The following EBF3 variants were observed in gnomAD, a reference collection of about 807,000 sequenced individuals.
The protein encoded by EBF3 is EBF transcription factor 3, also known as transcription factor COE3.
A neutral mutation model predicts 77.1 loss-of-function variants in EBF3; 18 were observed. The observed-to-expected ratio is 0.23, with a 90% CI of 0.16 to 0.35. The LOEUF (loss-of-function observed/expected upper bound fraction) is 0.35, where lower values mean the gene tolerates loss of function less well. Among genes scored for constraint, EBF3 ranks in the 10% least tolerant of loss-of-function variants. EBF3 has a pLI of 1.00. For synonymous variants in EBF3, 350 were observed against 343.5 expected (o/e 1.02, Z -0.21); for missense variants, 558 against 860.0 (o/e 0.65, Z 4.39).
intron 7 of EBF3, 46 bp from the exon 8 acceptor site, chr10:129,873,642 CAGAGCCCCCTGTT>C (rs1398192779): frequency 2.1e-6 from 3 of 1,456,412 alleles, no homozygotes; most frequent in Non-Finnish European, 2.7e-6. Flanking sequence ...CAAAGAAAAG[CAGAGCCCCCTGTT>C]AGGCAAAATA....
At chr10:129,929,585 T>C (rs1197289353) in intron 6 of EBF3, among the ~76,000 whole-genome samples, 1 of 152,212 alleles carries the variant, frequency 6.6e-6, no homozygotes, top group African/African-American at 2.4e-5. Context: ...AAATAGAATT[T>C]GGAGCAAGGA....
chr10:129,907,470 T>C (rs1319086435), intron 6 of EBF3, among the ~76,000 whole-genome samples: 4 of 152,252 alleles, frequency 2.6e-5, no homozygotes, highest in Non-Finnish European at 5.9e-5. Flanking sequence ...CGACAAAATC[T>C]ATTTCTCTCA....
intron 8 of EBF3, among the ~76,000 whole-genome samples, chr10:129,871,821 T>TTTAAATTAAATTAAATTAAA (rs1589754127): frequency 6.6e-6 from 1 of 152,206 alleles, no homozygotes; most frequent in East Asian, 1.9e-4. Context: ...TATTGGCATT[T>TTTAAATTAAATTAAATTAAA]TTAAATTAGT....
At position 129,943,292 on chromosome 10, in the gene EBF3, G is replaced by A. The variant is rs1168520581; in HGVS notation, c.554+13966C>T. 6.6e-6 allele frequency among the ~76,000 whole-genome samples: 1 copy of A among 152,180 alleles called. No individual in the cohort carries two copies. The highest frequency in any genetic ancestry group is 2.4e-5 in the African/African-American group (1 of 41,450). On this transcript the variant is annotated intron_variant, in intron 6 of 16. Transcript: ENST00000440978. This position sits in a 1 kb window ranked among gnomAD's most constrained non-coding sequence, Gnocchi z 8.8. Reference sequence around the variant, plus strand: ...TTACAGGAGACAGCCTTGTAGAACTGATTCCTTAATCAACAGTTAAAGAAG... The same window carrying A: ...TTACAGGAGACAGCCTTGTAGAACTAATTCCTTAATCAACAGTTAAAGAAG...
chr10:129,936,122 T>C (rs887412223), intron 6 of EBF3, among the ~76,000 whole-genome samples: 1 of 152,182 alleles, frequency 6.6e-6, no homozygotes, highest in Non-Finnish European at 1.5e-5. Flanking sequence ...TAGAATTCCA[T>C]TTATGGAATG....
intron 6 of EBF3, among the ~76,000 whole-genome samples, chr10:129,909,641 T>TGGCC (rs1226650199): frequency 6.6e-6 from 1 of 152,138 alleles, no homozygotes; most frequent in Non-Finnish European, 1.5e-5. Context: ...CCTGGGAAGG[T>TGGCC]GGCCCAGTGA....
At chr10:129,940,760 CA>C (rs1857674376) in intron 6 of EBF3, among the ~76,000 whole-genome samples, 1 of 152,164 alleles carries the variant, frequency 6.6e-6, no homozygotes, top group Non-Finnish European at 1.5e-5. Context: ...CCTCCCCACC[CA>C]GGGGTGGCCC....
intron 7 of EBF3, among the ~76,000 whole-genome samples, chr10:129,877,002 A>G (rs1001324065): frequency 2.0e-5 from 3 of 151,388 alleles, no homozygotes; most frequent in Admixed American, 6.6e-5. Flanking sequence ...ACTAGCATGG[A>G]AAGTGGGCAA....
intron 6 of EBF3, among the ~76,000 whole-genome samples, chr10:129,911,928 AT>A (rs1855551670): frequency 6.6e-6 from 1 of 152,110 alleles, no homozygotes; most frequent in Non-Finnish European, 1.5e-5. Flanking sequence ...GAGGAAATGC[AT>A]GGCTGCTTCC....
In EBF3 at chr10:129,963,721, C is replaced by G; in HGVS notation, c.48G>C (p.Lys16Asn). The G allele has an allele frequency of 6.5e-7, 1 of 1,539,260 alleles. No homozygotes were observed. The highest frequency in any genetic ancestry group is 8.8e-7 in the Non-Finnish European group (1 of 1,136,600). Reference protein sequence around the residue: ...ENIPRGGTTMKEEPLGSGMNP... With the variant: ...ENIPRGGTTMNEEPLGSGMNP... The stretch of plus-strand genomic sequence containing the variant: ...TCATGCCGCTGCCCAGCGGCTCCTC[C>G]TTCATGGTCGTCCCCCCGCGCGGAA... Residue 16 changes from lysine to asparagine, a missense_variant, in exon 1 of 17, where the codon AAG (lysine) becomes AAC (asparagine). Coordinates refer to ENST00000440978, the MANE Select transcript of EBF3 (RefSeq NM_001375380.1). The surrounding 1 kb of genome is among the most constrained non-coding windows in gnomAD (Gnocchi z 7.1).
Position 129,843,639 on chromosome 10 carries a change from CTTAA to C in EBF3, c.1129-441_1129-438del, listed in dbSNP as rs1012403781. Among the ~76,000 whole-genome samples the C allele has an allele frequency of 9.2e-5, 14 of 152,350 alleles. No homozygotes were observed. The South Asian group carries it at 2.1e-3, about 23-fold the overall frequency. On this transcript the variant is annotated intron_variant, in intron 11 of 16. Coordinates refer to ENST00000440978, the MANE Select transcript of EBF3 (RefSeq NM_001375380.1). ...AAGAACAATAAGTAATTTTCCATATCTTAATTAAACTGGCAGAGTCCTTAAAGAC... is the reference window on the plus strand; with the variant it reads ...AAGAACAATAAGTAATTTTCCATATCTTAAACTGGCAGAGTCCTTAAAGAC...
chr10:129,899,315 G>A (rs1304347435), intron 6 of EBF3, among the ~76,000 whole-genome samples: 2 of 152,160 alleles, frequency 1.3e-5, no homozygotes, highest in Non-Finnish European at 2.9e-5. Context: ...ACAATCCGCT[G>A]GCATTTCTTG....
rs775609453 is a variant in EBF3 at position 129,947,197 on chromosome 10, C to T, written c.554+10061G>A. On this transcript the variant is annotated intron_variant, in intron 6 of 16. Coordinates refer to ENST00000440978, the MANE Select transcript of EBF3 (RefSeq NM_001375380.1). This position sits in a 1 kb window ranked among gnomAD's most constrained non-coding sequence, Gnocchi z 4.5. ...TAACCAAATATCAAGGAAGAGGGGCCGCCGGGGGACCACCCCATCCCGGCA... is the reference window on the plus strand; with the variant it reads ...TAACCAAATATCAAGGAAGAGGGGCTGCCGGGGGACCACCCCATCCCGGCA... Among the ~76,000 whole-genome samples, 16 of 152,202 alleles carry T rather than the reference C, an allele frequency of 1.1e-4. No homozygotes were observed. Among genetic ancestry groups the T allele is most frequent in the Non-Finnish European group, 2.1e-4 (14 of 68,040 alleles).
chr10:129,891,924 C>T (rs1854044666), intron 6 of EBF3, among the ~76,000 whole-genome samples: 1 of 152,228 alleles, frequency 6.6e-6, no homozygotes, highest in Non-Finnish European at 1.5e-5. Context: ...CCCCAATTAT[C>T]CGGGAAATTC....
At chr10:129,887,896 C>G (rs1853720717) in intron 6 of EBF3, among the ~76,000 whole-genome samples, 1 of 152,146 alleles carries the variant, frequency 6.6e-6, no homozygotes, top group South Asian at 2.1e-4. Context: ...AACCCGCCCC[C>G]ACGCTCCTCA....
chr10:129,900,724 T>C (rs1162204137), intron 6 of EBF3, among the ~76,000 whole-genome samples: 1 of 152,274 alleles, frequency 6.6e-6, no homozygotes, highest in African/African-American at 2.4e-5. Context: ...AGAGCACTCA[T>C]GAGGAGCACC....
At chr10:129,908,100 T>C (rs545908441) in intron 6 of EBF3, among the ~76,000 whole-genome samples, 1 of 152,336 alleles carries the variant, frequency 6.6e-6, no homozygotes, top group African/African-American at 2.4e-5. Context: ...TTTTTATTAT[T>C]TGTGAGGCTC....
At chr10:129,900,574 T>C (rs1055949777) in intron 6 of EBF3, among the ~76,000 whole-genome samples, 1 of 152,194 alleles carries the variant, frequency 6.6e-6, no homozygotes, top group Non-Finnish European at 1.5e-5. Flanking sequence ...TGCCCTGACC[T>C]CCTGGACTCA....
At chr10:129,962,829 G>T in intron 3 of EBF3, 113 bp downstream of exon 3, 1 of 1,268,792 alleles carries the variant, frequency 7.9e-7, no homozygotes, top group Non-Finnish European at 1.1e-6. Context: ...GCCATGAGAA[G>T]ATTTCGTGTT....
Sources: allele counts gnomAD v4.1 joint callset (sites outside exome capture counted in the v4.1 genomes callset), GRCh38; gene constraint gnomAD v4.1.1; non-coding constraint Gnocchi (gnomAD v3.1); transcripts MANE v1.5; gene names NCBI Gene and HGNC (gene_info 2026-07-23, HGNC 2026-07-21).